TNNI1: variants seen among roughly 807,000 people sequenced by gnomAD.
TNNI1 encodes the protein troponin I1, slow skeletal type, also known as troponin I, slow skeletal muscle.
In TNNI1, 14 loss-of-function variants were observed where a neutral mutation model predicts 26.7. That is an observed-to-expected ratio of 0.52 (90% CI 0.35 to 0.82). The LOEUF (loss-of-function observed/expected upper bound fraction) is 0.82. Among genes scored for constraint, TNNI1 ranks in the 40% least tolerant of loss-of-function variants. TNNI1 has a pLI of 0.01. For synonymous variants in TNNI1, 79 were observed against 98.2 expected (o/e 0.80, Z 1.16); for missense variants, 164 against 257.0 (o/e 0.64, Z 2.47).
Position 201,417,183 on chromosome 1 carries a change from A to G in TNNI1, c.12-64T>C, listed in dbSNP as rs16848557. On this transcript the variant is annotated intron_variant, in intron 2 of 8. Transcript: ENST00000361379. ...GAACACAGAGTGAGTATGAACAATG[A>G]GGATTACATGTGCAGTCGCAGAACC... 4,064 of 1,609,806 alleles carry G rather than the reference A, an allele frequency of 2.5e-3. 81 individuals are homozygous for G. In the African/African-American group the frequency reaches 0.047, roughly 18 times the overall value.
chr1:201,413,580 A>G (rs1266767490), intron 5 of TNNI1, among the ~76,000 whole-genome samples: 1 of 152,142 alleles, frequency 6.6e-6, no homozygotes, highest in Non-Finnish European at 1.5e-5. Context: ...CCCTGTCTCT[A>G]CTAAAAATAC....
At position 201,414,520 on chromosome 1, in the gene TNNI1, G is replaced by T. The variant is rs1390950239; in HGVS notation, c.187C>A (p.Gln63Lys). Residue 63 changes from glutamine to lysine, a missense_variant and splice_region_variant, in exon 5 of 9, where the codon CAG becomes AAG. Around this residue, in one of 3 missense-constraint regions of TNNI1, gnomAD observed 117 missense variants for 158.7 expected, o/e 0.74. Transcript: ENST00000361379. ...QTRGLSLSAL[Q>K]DLCRELHAKV... ...CCCGCCCCACCTGCCAGGCTAACCT[G>T]CAGGGCACTGAGGGACAGGCCACGG... The T allele has an allele frequency of 5.6e-6, 9 of 1,593,362 alleles. No individual in the cohort carries two copies. The highest frequency in any genetic ancestry group is 2.3e-5 in the East Asian group (1 of 44,238).
chr1:201,417,001 A>C, intron 3 of TNNI1, 115 bp downstream of exon 3: 2 of 1,234,402 alleles, frequency 1.6e-6, no homozygotes, highest in Non-Finnish European at 1.2e-6. Flanking sequence ...CACCCCCTGG[A>C]CTCCCACCAG....
Position 201,407,367 on chromosome 1 carries a change from A to T in TNNI1, c.*1886T>A, listed in dbSNP as rs1662539244. 6.6e-6 allele frequency: 1 copy of T among 152,228 alleles called. No homozygotes were observed. Among genetic ancestry groups the T allele is most frequent in the African/African-American group, 2.4e-5 (1 of 41,446 alleles). 9.4% of individuals were successfully genotyped at this position (152,228 alleles called of 1,614,324 possible). On this transcript the variant is annotated 3_prime_UTR_variant, in exon 9 of 9. Coordinates refer to ENST00000361379, the MANE Select transcript of TNNI1 (RefSeq NM_003281.4). Reference sequence around the variant, plus strand: ...GATTGGGGTTGTGCTTTTTGCACACATCTGCCTCTCTGCCCACTGACCTAT... The same window carrying T: ...GATTGGGGTTGTGCTTTTTGCACACTTCTGCCTCTCTGCCCACTGACCTAT...
At position 201,405,784 on chromosome 1, in the gene TNNI1, G is replaced by A. The variant is rs1466119785; in HGVS notation, c.*3469C>T. 1 of 152,352 alleles carries A rather than the reference G, an allele frequency of 6.6e-6. No homozygotes were observed. The highest frequency in any genetic ancestry group is 1.5e-5 in the Non-Finnish European group (1 of 68,104). 9.4% of individuals were successfully genotyped at this position (152,352 alleles called of 1,614,324 possible). ...ACAGCTGGTCTCCCAAGGGCTCTGG[G>A]ACAGGCAAGAGTGTAGCAGGTGGCA... On this transcript the variant is annotated 3_prime_UTR_variant, in exon 9 of 9. Transcript: ENST00000361379.
In TNNI1 at chr1:201,408,235, T is replaced by G. The variant is rs1247426718; in HGVS notation, c.*1018A>C. The G allele has an allele frequency of 1.3e-5, 2 of 151,940 alleles. No homozygotes were observed. The highest frequency in any genetic ancestry group is 4.8e-5 in the African/African-American group (2 of 41,248). 9.4% of individuals were successfully genotyped at this position (151,940 alleles called of 1,614,324 possible). A position where few individuals can be genotyped will look rare whatever the true frequency, so the allele number is the denominator to read the frequency against. Reference sequence around the variant, plus strand: ...GAAAGGACCTGATCCAGAGGACAGATAAGTGGCCACCCCATCTCCGGGAAA... The same window carrying G: ...GAAAGGACCTGATCCAGAGGACAGAGAAGTGGCCACCCCATCTCCGGGAAA... On this transcript the variant is annotated 3_prime_UTR_variant, in exon 9 of 9. Transcript: ENST00000361379.
rs1195159730 is a variant in TNNI1 at position 201,411,184 on chromosome 1, ATCT to A, written c.456+170_456+172del. Among the ~76,000 whole-genome samples, 4 of 152,114 alleles carry A rather than the reference ATCT, an allele frequency of 2.6e-5. No homozygotes were observed. Among genetic ancestry groups the A allele is most frequent in the Non-Finnish European group, 5.9e-5 (4 of 68,020 alleles). On this transcript the variant is annotated intron_variant, in intron 7 of 8. Coordinates refer to ENST00000361379, the MANE Select transcript of TNNI1 (RefSeq NM_003281.4). The surrounding 1 kb of genome is among the most constrained non-coding windows in gnomAD (Gnocchi z 4.6). ...GGAACAGCCTGAAGGAAGGGAGCAAATCTTCTTTCTTTCTTCCCACACTGGTCT... is the reference window on the plus strand; with the variant it reads ...GGAACAGCCTGAAGGAAGGGAGCAAATCTTTCTTTCTTCCCACACTGGTCT...
In TNNI1 at chr1:201,405,178, C is replaced by G. The variant is rs1662492118; in HGVS notation, c.*4075G>C. On this transcript the variant is annotated 3_prime_UTR_variant, in exon 9 of 9. Coordinates refer to ENST00000361379, the MANE Select transcript of TNNI1 (RefSeq NM_003281.4). ...GACTGGGAGTCTGGGGACCTACTTC[C>G]TAGCTCCAGTTAGGTTTGTGACCTT... 2 of 152,622 alleles carry G rather than the reference C, an allele frequency of 1.3e-5. 1 individual carries two copies. The highest frequency in any genetic ancestry group is 4.1e-4 in the South Asian group (2 of 4,834). The allele number at this position is 152,622 out of a possible 1,614,324, so 9.5% of individuals were successfully genotyped here. A position where few individuals can be genotyped will look rare whatever the true frequency, so the allele number is the denominator to read the frequency against.
At chr1:201,410,250 G>T (rs565898728) in intron 8 of TNNI1, 76 bp downstream of exon 8, 3 of 1,326,438 alleles carry the variant, frequency 2.3e-6, no homozygotes, top group Admixed American at 1.8e-5. Context: ...AGTACAACCC[G>T]CCTGCCCATT....
In TNNI1 at chr1:201,404,197, C is replaced by A. The variant is rs1662472645; in HGVS notation, c.*5056G>T. On this transcript the variant is annotated 3_prime_UTR_variant, in exon 9 of 9. Transcript: ENST00000361379. ...GAGGAGCCTCAGAACAGACGTTCAA[C>A]CTCTGGAATCCCCCAGAAAAAAGAC... The A allele has an allele frequency of 6.6e-6, 1 of 152,184 alleles. No homozygotes were observed. Among genetic ancestry groups the A allele is most frequent in the African/African-American group, 2.4e-5 (1 of 41,440 alleles). The allele number at this position is 152,184 out of a possible 1,614,324, so 9.4% of individuals were successfully genotyped here.
rs1170808567 is a variant in TNNI1 at position 201,406,406 on chromosome 1, G to A, written c.*2847C>T. ...AACAGACTTCTTGGGTTGAATCCTG[G>A]GACCACCACTTATTAGCTGTGTGAT... On this transcript the variant is annotated 3_prime_UTR_variant, in exon 9 of 9. Coordinates refer to ENST00000361379, the MANE Select transcript of TNNI1 (RefSeq NM_003281.4). 1.3e-5 allele frequency: 2 copies of A among 152,124 alleles called. No individual in the cohort carries two copies. Among genetic ancestry groups the A allele is most frequent in the Non-Finnish European group, 2.9e-5 (2 of 68,030 alleles). The allele number at this position is 152,124 out of a possible 1,614,324, so 9.4% of individuals were successfully genotyped here. A position where few individuals can be genotyped will look rare whatever the true frequency, so the allele number is the denominator to read the frequency against.
chr1:201,413,859 T>C (rs968718163), intron 5 of TNNI1, among the ~76,000 whole-genome samples: 2 of 152,170 alleles, frequency 1.3e-5, no homozygotes, highest in African/African-American at 4.8e-5. Flanking sequence ...TCTCACACTA[T>C]GTTGCCCAGG....
In TNNI1 at chr1:201,404,056, A is replaced by G. The variant is rs1662470718; in HGVS notation, c.*5197T>C. 1 of 152,144 alleles carries G rather than the reference A, an allele frequency of 6.6e-6. No individual in the cohort carries two copies. Among genetic ancestry groups the G allele is most frequent in the Admixed American group, 6.5e-5 (1 of 15,282 alleles). 9.4% of individuals were successfully genotyped at this position (152,144 alleles called of 1,614,324 possible). A position where few individuals can be genotyped will look rare whatever the true frequency, so the allele number is the denominator to read the frequency against. ...TGGTTACTTCCTCCAGGGACATTCC[A>G]CCAGGCAGGGCTTAGCACAACTGGG... On this transcript the variant is annotated 3_prime_UTR_variant, in exon 9 of 9. Coordinates refer to ENST00000361379, the MANE Select transcript of TNNI1 (RefSeq NM_003281.4).
chr1:201,415,173 T>C lies in TNNI1; in HGVS notation c.57+40A>G, dbSNP rs764039104. The C allele has an allele frequency of 2.5e-6, 4 of 1,578,946 alleles. No homozygotes were observed. The Admixed American group carries it at 6.7e-5, about 26-fold the overall frequency. On this transcript the variant is annotated intron_variant, in intron 4 of 8. Transcript: ENST00000361379. ...GAGTCTGCTCTGCTGCCCCTCTGCC[T>C]CCCACTGGGCATCCCCCCACAGCCA...
chr1:201,406,125 G>A lies in TNNI1; in HGVS notation c.*3128C>T, dbSNP rs1392120887. ...AGAAAGTTGGGCTCTGTTAAGGCCA[G>A]TCTGATCTCAGAAAAGGGCAACCCC... is the stretch of plus-strand genomic sequence containing the variant. On this transcript the variant is annotated 3_prime_UTR_variant, in exon 9 of 9. Coordinates refer to ENST00000361379, the MANE Select transcript of TNNI1 (RefSeq NM_003281.4). 1 of 152,248 alleles carries A rather than the reference G, an allele frequency of 6.6e-6. No homozygotes were observed. Among genetic ancestry groups the A allele is most frequent in the Admixed American group, 6.5e-5 (1 of 15,286 alleles). The allele number at this position is 152,248 out of a possible 1,614,324, so 9.4% of individuals were successfully genotyped here. A position where few individuals can be genotyped will look rare whatever the true frequency, so the allele number is the denominator to read the frequency against.
At position 201,417,119 on chromosome 1, in the gene TNNI1, G is replaced by A. The variant is rs372442354; in HGVS notation, c.12C>T (p.Val4=). 3.3e-5 allele frequency: 54 copies of A among 1,613,904 alleles called. 1 individual carries two copies. Among genetic ancestry groups the A allele is most frequent in the Admixed American group, 1.2e-4 (7 of 59,994 alleles). The change falls in exon 3 of 9, where the codon GTC becomes GTT. Residue 4 remains valine (V), a splice_region_variant and synonymous_variant. Coordinates refer to ENST00000361379, the MANE Select transcript of TNNI1 (RefSeq NM_003281.4). The stretch of plus-strand genomic sequence containing the variant: ...AGATACCCCAAATATCACTTACCTC[G>A]CTTCAGGCATCCATCACAGGAAGGA... MPE[V]ERKPKITASR...
chr1:201,411,466 A>G lies in TNNI1; in HGVS notation c.347T>C (p.Val116Ala), dbSNP rs1662634749. 5 of 1,613,302 alleles carry G rather than the reference A, an allele frequency of 3.1e-6. No individual in the cohort carries two copies. The highest frequency in any genetic ancestry group is 1.3e-5 in the African/African-American group (1 of 74,868). Residue 116 changes from valine to alanine, a missense_variant, in exon 7 of 9, where the codon GTC becomes GCC. Transcript: ENST00000361379. This position sits in a 1 kb window ranked among gnomAD's most constrained non-coding sequence, Gnocchi z 4.6. Reference protein sequence around the residue: ...GKFKRPPLRRVRVSADAMLRA... With the variant: ...GKFKRPPLRRARVSADAMLRA... Reference sequence around the variant, plus strand: ...GAGCATGGCGTCAGCCGAGACACGGACTCGACGCAGGGGCGGGCGCTTGAA... The same window carrying G: ...GAGCATGGCGTCAGCCGAGACACGGGCTCGACGCAGGGGCGGGCGCTTGAA...
Position 201,406,041 on chromosome 1 carries a change from T to C in TNNI1, c.*3212A>G, listed in dbSNP as rs1662508970. 6.6e-6 allele frequency: 1 copy of C among 152,310 alleles called. No homozygotes were observed. Among genetic ancestry groups the C allele is most frequent in the Non-Finnish European group, 1.5e-5 (1 of 68,148 alleles). The allele number at this position is 152,310 out of a possible 1,614,324, so 9.4% of individuals were successfully genotyped here. A position where few individuals can be genotyped will look rare whatever the true frequency, so the allele number is the denominator to read the frequency against. On this transcript the variant is annotated 3_prime_UTR_variant, in exon 9 of 9. Transcript: ENST00000361379. Reference sequence around the variant, plus strand: ...TTGAATGTTTCCCCTTTGGTGCGGGTGTGTGGGGACTCCCCAGGTGCATAT... The same window carrying C: ...TTGAATGTTTCCCCTTTGGTGCGGGCGTGTGGGGACTCCCCAGGTGCATAT...
Position 201,411,648 on chromosome 1 carries a change from C to A in TNNI1, c.280-115G>T, listed in dbSNP as rs1571735143. 1 of 1,129,394 alleles carries A rather than the reference C, an allele frequency of 8.9e-7. No homozygotes were observed. Among genetic ancestry groups the A allele is most frequent in the South Asian group, 2.0e-5 (1 of 50,134 alleles). 70.0% of individuals were successfully genotyped at this position (1,129,394 alleles called of 1,614,324 possible). On this transcript the variant is annotated intron_variant, in intron 6 of 8. Coordinates refer to ENST00000361379, the MANE Select transcript of TNNI1 (RefSeq NM_003281.4). The surrounding 1 kb of genome is among the most constrained non-coding windows in gnomAD (Gnocchi z 4.6). ...CAGAGATACACCTTAAATTGTCCAC[C>A]CTTGAAGCCAGACCTATCAGCAGTC...
Sources: gnomAD v4.1 joint callset for allele counts (sites outside exome capture counted in the v4.1 genomes callset) on GRCh38, gnomAD v4.1.1 for gene constraint, gnomAD v4.1.1 regional missense constraint, Gnocchi (gnomAD v3.1) non-coding constraint, MANE v1.5 for transcripts, NCBI Gene and HGNC (gene_info 2026-07-23, HGNC 2026-07-21) for gene names.